ABCC1: variants seen among roughly 807,000 people sequenced by gnomAD.
ABCC1 encodes multidrug resistance-associated protein 1.
A neutral mutation model predicts 172.9 loss-of-function variants in ABCC1; 83 were observed. The ratio of observed to expected loss-of-function variants is 0.48; its 90% CI spans 0.40 to 0.58. The LOEUF is 0.58. Ranked by LOEUF, ABCC1 falls within the 20% of genes least tolerant of loss-of-function variation. The pLI, the probability that ABCC1 is intolerant of heterozygous loss-of-function variation, is 0.00. For synonymous variants in ABCC1, 937 were observed against 825.2 expected (o/e 1.14, Z -2.32); for missense variants, 1,817 against 2,002.7 (o/e 0.91, Z 1.77).
chr16:15,989,179 C>T (rs1233181923), intron 1 of ABCC1, among the ~76,000 whole-genome samples: 1 of 152,052 alleles, frequency 6.6e-6, no homozygotes, highest in Non-Finnish European at 1.5e-5. Flanking sequence ...GATGGCCGTG[C>T]CCCTGCCTTC....
intron 12 of ABCC1, among the ~76,000 whole-genome samples, chr16:16,065,876 C>T (rs954772024): frequency 4.6e-5 from 7 of 152,172 alleles, no homozygotes; most frequent in East Asian, 1.9e-4. Context: ...CCATGCCGAT[C>T]GAAATGTATT....
At chr16:16,042,264 A>C (rs184131220) in intron 7 of ABCC1, among the ~76,000 whole-genome samples, 13 of 151,316 alleles carry the variant, frequency 8.6e-5, no homozygotes, top group Non-Finnish European at 1.2e-4. Flanking sequence ...CTGAGAACAT[A>C]TGTTCATAAA....
intron 7 of ABCC1, among the ~76,000 whole-genome samples, chr16:16,038,982 A>G (rs1229487962): frequency 6.6e-6 from 1 of 152,120 alleles, no homozygotes; most frequent in African/African-American, 2.4e-5. Context: ...CTCTTAATCC[A>G]CTGAGCAGAT....
chr16:16,052,592 G>C, intron 10 of ABCC1, 132 bp from the exon 11 acceptor site: 1 of 734,272 alleles, frequency 1.4e-6, no homozygotes, highest in Non-Finnish European at 2.3e-6. Context: ...CCCTATTGTG[G>C]GGTAAAAGTA....
At chr16:15,963,167 TCCATAG>T (rs2046173709) in intron 1 of ABCC1, among the ~76,000 whole-genome samples, 1 of 152,210 alleles carries the variant, frequency 6.6e-6, no homozygotes, top group Admixed American at 6.5e-5. Flanking sequence ...ACTTTCAAGT[TCCATAG>T]TTATCTCCTT....
At chr16:16,087,883 G>C (rs537216821) in intron 18 of ABCC1, among the ~76,000 whole-genome samples, 1 of 152,294 alleles carries the variant, frequency 6.6e-6, no homozygotes, top group South Asian at 2.1e-4. Context: ...TTTTTTTCAA[G>C]TCTTTTTGCT....
intron 16 of ABCC1, among the ~76,000 whole-genome samples, chr16:16,083,148 C>G (rs1441590973): frequency 6.6e-6 from 1 of 152,176 alleles, no homozygotes; most frequent in African/African-American, 2.4e-5. Context: ...TCTTTGACTC[C>G]TGATATTGGA....
intron 19 of ABCC1, chr16:16,095,260 A>T (rs919372833): frequency 6.6e-6 from 1 of 152,244 alleles, no homozygotes; most frequent in African/African-American, 2.4e-5. Flanking sequence ...TAAGGGATTT[A>T]AAAAAATGGC....
At chr16:16,039,268 T>TTTTC (rs1311889812) in intron 7 of ABCC1, among the ~76,000 whole-genome samples, 9,837 of 90,418 alleles carry the variant, frequency 0.11, 605 homozygotes, top group African/African-American at 0.23. Context: ...TGTGTTTTCT[T>TTTTC]TTTTTTTTTT....
intron 16 of ABCC1, among the ~76,000 whole-genome samples, chr16:16,081,592 C>A (rs1389235607): frequency 2.0e-5 from 3 of 152,124 alleles, no homozygotes; most frequent in Non-Finnish European, 4.4e-5. Context: ...TATGGTAAGG[C>A]ACCACTGTTG....
At chr16:15,986,062 G>A (rs2046736584) in intron 1 of ABCC1, among the ~76,000 whole-genome samples, 1 of 151,834 alleles carries the variant, frequency 6.6e-6, no homozygotes, top group Non-Finnish European at 1.5e-5. Context: ...AGCTTCCTGA[G>A]TAGCTGGGAT....
intron 15 of ABCC1, 80 bp downstream of exon 15, chr16:16,076,481 G>T (rs769449746): frequency 7.4e-7 from 1 of 1,354,260 alleles, no homozygotes; most frequent in Non-Finnish European, 1.0e-6. Context: ...AATTCCCACC[G>T]TGCTCCCTCT....
chr16:16,086,693 C>A, intron 17 of ABCC1, 131 bp from the exon 18 acceptor site: 2 of 937,144 alleles, frequency 2.1e-6, no homozygotes, highest in Non-Finnish European at 3.3e-6. Flanking sequence ...GGTCTCAAAC[C>A]CCTGGTCTCA....
chr16:16,050,714 G>A (rs2049391110), intron 10 of ABCC1, among the ~76,000 whole-genome samples: 1 of 127,406 alleles, frequency 7.8e-6, no homozygotes, highest in South Asian at 2.7e-4. Flanking sequence ...GCAACATAGT[G>A]AGACCCTGTC....
intron 5 of ABCC1, among the ~76,000 whole-genome samples, chr16:16,026,476 T>TA (rs1217998988): frequency 6.9e-6 from 1 of 144,344 alleles, no homozygotes; most frequent in African/African-American, 2.5e-5. Flanking sequence ...TTTTTTTTTT[T>TA]TTTTTTTTTT....
intron 23 of ABCC1, among the ~76,000 whole-genome samples, chr16:16,121,760 T>G (rs2045167514): frequency 6.6e-6 from 1 of 152,196 alleles, no homozygotes; most frequent in Non-Finnish European, 1.5e-5. Context: ...GGGCTTTGTA[T>G]AAGCGTGAGC....
At chr16:16,098,190 C>T (rs915409457) in intron 19 of ABCC1, 1 of 154,712 alleles carries the variant, frequency 6.5e-6, no homozygotes, top group African/African-American at 2.4e-5. Context: ...GAGCTGATGC[C>T]CATGCCACCT....
At chr16:16,049,567 A>T (rs1294252885) in intron 10 of ABCC1, among the ~76,000 whole-genome samples, 5 of 150,232 alleles carry the variant, frequency 3.3e-5, no homozygotes, top group Non-Finnish European at 7.4e-5. Flanking sequence ...TGTAACAAAC[A>T]CTACTTCCAT....
chr16:16,043,220 C>CTGT (rs1555488043), intron 7 of ABCC1, among the ~76,000 whole-genome samples: 2 of 93,172 alleles, frequency 2.1e-5, no homozygotes, highest in African/African-American at 6.0e-5. Flanking sequence ...GCTGGCTGGA[C>CTGT]TGTTTTTTTT....
Sources: gnomAD v4.1 joint callset for allele counts (sites outside exome capture counted in the v4.1 genomes callset) on GRCh38, gnomAD v4.1.1 for gene constraint, MANE v1.5 for transcripts, NCBI Gene and HGNC (gene_info 2026-07-23, HGNC 2026-07-21) for gene names.